STMND1: variants seen among roughly 807,000 people sequenced by gnomAD.
STMND1 encodes stathmin domain containing 1, also known as stathmin domain-containing protein 1.
In STMND1, 17 loss-of-function variants were observed where a neutral mutation model predicts 23.0. The ratio of observed to expected loss-of-function variants is 0.74; its 90% CI spans 0.51 to 1.11. STMND1 has a LOEUF of 1.11. STMND1 is among the 50% of genes least tolerant of loss of function. The pLI is 0.00. For synonymous variants in STMND1, 114 were observed against 119.9 expected, an observed-to-expected ratio of 0.95 and a Z score of 0.32; for missense variants, 305 against 329.1, an observed-to-expected ratio of 0.93 and a Z score of 0.57.
chr6:17,130,528 C>A, intron 4 of STMND1, 66 bp from the exon 5 acceptor site: 1 of 1,229,024 alleles, frequency 8.1e-7, no homozygotes, highest in Non-Finnish European at 1.1e-6. Flanking sequence ...TCAATACAAG[C>A]AACATTAATC....
intron 1 of STMND1, among the ~76,000 whole-genome samples, chr6:17,109,221 GT>G (rs1262738030): frequency 6.6e-6 from 1 of 152,054 alleles, no homozygotes; most frequent in East Asian, 1.9e-4. Flanking sequence ...TGACTTTCTT[GT>G]TTGTTTGGTT....
At chr6:17,129,338 C>G in intron 4 of STMND1, 95 bp downstream of exon 4, 1 of 1,177,168 alleles carries the variant, frequency 8.5e-7, no homozygotes, top group Non-Finnish European at 1.2e-6. Context: ...TTAAGACAAA[C>G]TGCATGGATC....
At chr6:17,123,425 A>G (rs905241189) in intron 3 of STMND1, among the ~76,000 whole-genome samples, 1 of 152,198 alleles carries the variant, frequency 6.6e-6, no homozygotes, top group Non-Finnish European at 1.5e-5. Context: ...GCAACAGACC[A>G]GGCAGCAACA....
chr6:17,127,230 C>A (rs1305840572), intron 3 of STMND1, among the ~76,000 whole-genome samples: 2 of 152,210 alleles, frequency 1.3e-5, no homozygotes, highest in African/African-American at 4.8e-5. Context: ...GAAACCATAG[C>A]TTGCAGAGTT....
intron 1 of STMND1, among the ~76,000 whole-genome samples, chr6:17,104,654 A>T (rs1760994089): frequency 6.6e-6 from 1 of 152,014 alleles, no homozygotes; most frequent in Non-Finnish European, 1.5e-5. Flanking sequence ...GCTACACCTG[A>T]CCTCCTCCTC....
At chr6:17,120,534 C>A in intron 2 of STMND1, 73 bp from the exon 3 acceptor site, 2 of 1,198,000 alleles carry the variant, frequency 1.7e-6, no homozygotes, top group South Asian at 1.8e-5. Flanking sequence ...AGAAGGCATC[C>A]GTTTAGCATT....
At chr6:17,117,471 G>C (rs1417189273) in intron 2 of STMND1, among the ~76,000 whole-genome samples, 3 of 151,974 alleles carry the variant, frequency 2.0e-5, no homozygotes, top group African/African-American at 7.2e-5. Context: ...TTCTGATTCA[G>C]GATCTGTCTA....
At chr6:17,110,815 G>C (rs1447376261) in intron 1 of STMND1, 1 of 455,888 alleles carries the variant, frequency 2.2e-6, no homozygotes, top group Non-Finnish European at 4.4e-6. Flanking sequence ...AGACATTACC[G>C]AGTGGAAGAT....
chr6:17,129,292 A>C (rs1761353487), intron 4 of STMND1, 49 bp downstream of exon 4: 1 of 1,521,280 alleles, frequency 6.6e-7, no homozygotes. Flanking sequence ...CTGTCTGTTA[A>C]AATGATCTCA....
Position 17,115,022 on chromosome 6 carries a change from A to C in STMND1, c.142A>C (p.Thr48Pro). ...CAGCCCCCGGATGGAAGCTGCTCTG[A>C]CCAAGAATACTGTGGACATTGCAGA... ...NCSPRMEAAL[T>P]KNTVDIAEGL... Residue 48 changes from threonine (T) to proline (P), a missense_variant, in exon 2 of 5, where the codon ACC (threonine) becomes CCC (proline). Thr to Pro is a conservative substitution (Grantham distance 38). Transcript: ENST00000536551. 1 of 1,535,756 alleles carries C rather than the reference A, an allele frequency of 6.5e-7. No homozygotes were observed. The highest frequency in any genetic ancestry group is 8.7e-7 in the Non-Finnish European group (1 of 1,146,746).
In STMND1 at chr6:17,122,653, G is replaced by A. The variant is rs541378579; in HGVS notation, c.411+1895G>A. On this transcript the variant is annotated intron_variant, in intron 3 of 4. Transcript: ENST00000536551. The stretch of plus-strand genomic sequence containing the variant: ...AAATAAATCCTGCAGAAAGTATTTG[G>A]GGGAAAGGAAAGGAGATTGCCAAAC... 5.9e-5 allele frequency among the ~76,000 whole-genome samples: 9 copies of A among 151,924 alleles called. No individual in the cohort carries two copies. The East Asian group carries it at 1.7e-3, about 29-fold the overall frequency.
Position 17,104,901 on chromosome 6 carries a change from A to G in STMND1, c.81+2563A>G, listed in dbSNP as rs569997498. Among the ~76,000 whole-genome samples, 3 of 152,334 alleles carry G rather than the reference A, an allele frequency of 2.0e-5. No homozygotes were observed. The East Asian group carries it at 5.8e-4, about 29-fold the overall frequency. ...TTTGTAAAATGAGGGCAGTAATAAT[A>G]CACATAGTGGGGCCTCTCTATCTGT... On this transcript the variant is annotated intron_variant, in intron 1 of 4. Coordinates refer to ENST00000536551, the MANE Select transcript of STMND1 (RefSeq NM_001190766.2).
chr6:17,131,023 A>G lies in STMND1; in HGVS notation c.*142A>G. The stretch of plus-strand genomic sequence containing the variant: ...TTAAGGATGATTGTGTGGGCTGCAC[A>G]GGCTGAAGGTTAGTTGAGTAAATTA... On this transcript the variant is annotated 3_prime_UTR_variant, in exon 5 of 5. Coordinates refer to ENST00000536551, the MANE Select transcript of STMND1 (RefSeq NM_001190766.2). 1.1e-5 allele frequency: 8 copies of G among 752,134 alleles called. No homozygotes were observed. Among genetic ancestry groups the G allele is most frequent in the Non-Finnish European group, 1.4e-5 (7 of 493,172 alleles). The allele number at this position is 752,134 out of a possible 1,614,324, so 46.6% of individuals were successfully genotyped here.
At chr6:17,120,294 C>T (rs980318332) in intron 2 of STMND1, among the ~76,000 whole-genome samples, 3 of 152,168 alleles carry the variant, frequency 2.0e-5, no homozygotes, top group African/African-American at 7.2e-5. Context: ...AGCAAACCAA[C>T]GTTGTCGTAC....
Position 17,126,071 on chromosome 6 carries a change from T to TATATATATATATA in STMND1, c.412-3041_412-3040insATATATATATATA, listed in dbSNP as rs35991617. Among the ~76,000 whole-genome samples the TATATATATATATA allele has an allele frequency of 1.8e-3, 29 of 15,750 alleles. 1 individual carries two copies. Among genetic ancestry groups the TATATATATATATA allele is most frequent in the African/African-American group, 3.8e-3 (13 of 3,442 alleles). 10.3% of individuals were successfully genotyped at this position (15,750 alleles called of 152,430 possible). A position where few individuals can be genotyped will look rare whatever the true frequency, so the allele number is the denominator to read the frequency against. ...ATATATATATATATATATATATATA[T>TATATATATATATA]TTTTTTTTTTTTTTTTTTTTTTTTT... On this transcript the variant is annotated intron_variant, in intron 3 of 4. Transcript: ENST00000536551.
intron 2 of STMND1, among the ~76,000 whole-genome samples, chr6:17,115,930 C>T (rs914042462): frequency 6.6e-6 from 1 of 152,134 alleles, no homozygotes; most frequent in East Asian, 1.9e-4. Flanking sequence ...TTCTATTCGC[C>T]CTCCCCTTGC....
chr6:17,113,467 T>C (rs1761120071), intron 1 of STMND1, among the ~76,000 whole-genome samples: 1 of 152,186 alleles, frequency 6.6e-6, no homozygotes, highest in African/African-American at 2.4e-5. Flanking sequence ...TTAAAGTCAA[T>C]TCATTATTTA....
At chr6:17,106,464 A>T (rs1223668591) in intron 1 of STMND1, among the ~76,000 whole-genome samples, 1 of 152,094 alleles carries the variant, frequency 6.6e-6, no homozygotes, top group Non-Finnish European at 1.5e-5. Flanking sequence ...AGATTCCTTA[A>T]TGTCTTCTTG....
intron 3 of STMND1, chr6:17,128,189 T>C (rs1761334760): frequency 6.6e-6 from 1 of 152,214 alleles, no homozygotes. Context: ...TTTACTTATT[T>C]TGGAACTAGA....
Sources: gnomAD v4.1 joint callset for allele counts (sites outside exome capture counted in the v4.1 genomes callset) on GRCh38, gnomAD v4.1.1 for gene constraint, MANE v1.5 for transcripts, NCBI Gene and HGNC (gene_info 2026-07-23, HGNC 2026-07-21) for gene names.